Variants in CEP112 observed in about 807,000 individuals in gnomAD.
CEP112 encodes the protein centrosomal protein of 112 kDa.
CEP112 carries 127 observed loss-of-function variants against 153.0 expected under a neutral mutation model. The ratio of observed to expected loss-of-function variants is 0.83; its 90% CI spans 0.72 to 0.96. CEP112 has a LOEUF of 0.96. Ranked by LOEUF, CEP112 falls within the 40% of genes least tolerant of loss-of-function variation. The probability of loss-of-function intolerance (pLI) is 0.00; values close to 1 mark genes in which losing one functional copy is unlikely to be tolerated. For missense variants in CEP112, 1,089 were observed against 1,101.2 expected, an observed-to-expected ratio of 0.99 and a Z score of 0.16; for synonymous variants, 358 against 374.4, an observed-to-expected ratio of 0.96 and a Z score of 0.51.
intron 11 of CEP112, 56 bp from the exon 12 acceptor site, chr17:66,053,935 T>A: frequency 1.4e-6 from 2 of 1,459,698 alleles, no homozygotes; most frequent in Admixed American, 4.0e-5. Context: ...GACTATTTTG[T>A]AATTCAGCGG....
At chr17:66,066,927 G>C in intron 9 of CEP112, 50 bp from the exon 10 acceptor site, 2 of 1,169,678 alleles carry the variant, frequency 1.7e-6, no homozygotes, top group Non-Finnish European at 2.3e-6. Flanking sequence ...TTTACATATA[G>C]GACACTTTTT....
At chr17:65,720,701 G>A (rs1325398127) in intron 23 of CEP112, among the ~76,000 whole-genome samples, 42 of 152,172 alleles carry the variant, frequency 2.8e-4, no homozygotes, top group Admixed American at 2.7e-3. Flanking sequence ...GGTTACACTT[G>A]AACATATCTC....
intron 21 of CEP112, among the ~76,000 whole-genome samples, chr17:65,835,962 C>A (rs891946755): frequency 3.9e-5 from 6 of 152,110 alleles, no homozygotes; most frequent in African/African-American, 1.2e-4. Flanking sequence ...ATCAAAGAGT[C>A]AAAAATGTGG....
chr17:65,999,300 C>T (rs1226982993), intron 17 of CEP112, among the ~76,000 whole-genome samples: 1 of 150,528 alleles, frequency 6.6e-6, no homozygotes, highest in African/African-American at 2.4e-5. Flanking sequence ...GTCCTGGGTT[C>T]ACGCCATTCT....
rs140253180 is a variant in CEP112, at chr17:65,750,480, A to T, written c.2457+182T>A. Reference sequence around the variant, plus strand: ...GGTTAAATATGCCTAATTTTTCTTGATTTTTAATGACTGAAATATTAAAAC... The same window carrying T: ...GGTTAAATATGCCTAATTTTTCTTGTTTTTTAATGACTGAAATATTAAAAC... On this transcript the variant is annotated intron_variant, in intron 22 of 26. Transcript: ENST00000535342. 2.0e-4 allele frequency among the ~76,000 whole-genome samples: 31 copies of T among 152,140 alleles called. No individual in the cohort carries two copies. In the East Asian group the frequency reaches 5.8e-3, roughly 28 times the overall value.
chr17:65,802,881 C>T (rs2055365338), intron 21 of CEP112, among the ~76,000 whole-genome samples: 1 of 152,194 alleles, frequency 6.6e-6, no homozygotes, highest in South Asian at 2.1e-4. Flanking sequence ...AGTGTCGATG[C>T]TCCATCAAGG....
intron 23 of CEP112, among the ~76,000 whole-genome samples, chr17:65,740,105 T>A (rs952335305): frequency 2.0e-5 from 3 of 152,234 alleles, no homozygotes; most frequent in Admixed American, 2.0e-4. Context: ...AATGAGCTCA[T>A]ATCTATATGT....
intron 19 of CEP112, among the ~76,000 whole-genome samples, chr17:65,920,387 ATATATATATATATAT>A (rs1353014158): frequency 2.2e-4 from 24 of 109,366 alleles, no homozygotes; most frequent in African/African-American, 8.3e-4. Flanking sequence ...ATATATATAT[ATATATATATATATAT>A]ATAATTATAA....
chr17:66,041,193 A>G (rs2065960816), intron 12 of CEP112, among the ~76,000 whole-genome samples: 1 of 152,086 alleles, frequency 6.6e-6, no homozygotes, highest in Admixed American at 6.5e-5. Context: ...AAATGATTTT[A>G]GAATTATTAT....
At chr17:66,088,055 C>A (rs2068006599) in intron 8 of CEP112, among the ~76,000 whole-genome samples, 1 of 151,662 alleles carries the variant, frequency 6.6e-6, no homozygotes, top group African/African-American at 2.4e-5. Flanking sequence ...CCACCCCATG[C>A]TGATACCAGC....
intron 17 of CEP112, among the ~76,000 whole-genome samples, chr17:65,989,765 T>C (rs1311488602): frequency 6.6e-6 from 1 of 152,182 alleles, no homozygotes; most frequent in Non-Finnish European, 1.5e-5. Context: ...CTCATAACTC[T>C]AGTATGAAGC....
chr17:65,798,194 C>A (rs2055048667), intron 21 of CEP112, among the ~76,000 whole-genome samples: 1 of 152,090 alleles, frequency 6.6e-6, no homozygotes, highest in African/African-American at 2.4e-5. Flanking sequence ...CAGCCTATGA[C>A]CCTGATCAAT....
rs1379119374 is a variant in CEP112, at chr17:66,069,914, C to T, written c.855+1G>A. The T allele has an allele frequency of 2.6e-6, 4 of 1,557,864 alleles. No individual in the cohort carries two copies. The highest frequency in any genetic ancestry group is 1.7e-5 in the Admixed American group (1 of 58,564). ...ATTAAAACACGAGATATATATCCTA[C>T]CTTCTGAACATCAGCATCATGTTTC... On this transcript the variant is annotated splice_donor_variant, in intron 9 of 26. Coordinates refer to ENST00000535342, the MANE Select transcript of CEP112 (RefSeq NM_001199165.4). LOFTEE classifies it high-confidence loss of function.
At chr17:65,702,087 G>A (rs1254549277) in intron 23 of CEP112, among the ~76,000 whole-genome samples, 4 of 151,916 alleles carry the variant, frequency 2.6e-5, no homozygotes, top group Admixed American at 1.3e-4. Context: ...TGTTGGCCAG[G>A]CTGGTGTTGA....
intron 19 of CEP112, among the ~76,000 whole-genome samples, chr17:65,924,167 G>A (rs1021463644): frequency 2.1e-4 from 32 of 151,882 alleles, no homozygotes; most frequent in Admixed American, 7.9e-4. Flanking sequence ...TAGTAGAGAC[G>A]GGGTTTCGCC....
intron 21 of CEP112, among the ~76,000 whole-genome samples, chr17:65,851,258 T>C (rs1308603894): frequency 1.3e-5 from 2 of 152,232 alleles, no homozygotes; most frequent in African/African-American, 2.4e-5. Context: ...AGATTGCACC[T>C]TTAATATAAG....
intron 24 of CEP112, among the ~76,000 whole-genome samples, chr17:65,674,569 T>C (rs2047138085): frequency 6.6e-6 from 1 of 152,216 alleles, no homozygotes; most frequent in Non-Finnish European, 1.5e-5. Context: ...CCCTATACTT[T>C]GGGTGGATTC....
At chr17:66,134,008 A>G (rs2070320249) in intron 4 of CEP112, among the ~76,000 whole-genome samples, 2 of 152,166 alleles carry the variant, frequency 1.3e-5, no homozygotes, top group Non-Finnish European at 2.9e-5. Flanking sequence ...GGCAAAGTTA[A>G]TATTTTGAGT....
chr17:65,863,056 G>A (rs1431124721), intron 20 of CEP112, among the ~76,000 whole-genome samples: 1 of 151,804 alleles, frequency 6.6e-6, no homozygotes, highest in Non-Finnish European at 1.5e-5. Context: ...TTAATATTAA[G>A]GCCACCAAAT....
Sources: gnomAD v4.1 joint callset for allele counts (sites outside exome capture counted in the v4.1 genomes callset) on GRCh38, gnomAD v4.1.1 for gene constraint, MANE v1.5 for transcripts, NCBI Gene and HGNC (gene_info 2026-07-23, HGNC 2026-07-21) for gene names.